The following ERAP1 variants were observed in gnomAD, a reference collection of about 807,000 sequenced individuals.
The protein encoded by ERAP1 is endoplasmic reticulum aminopeptidase 1, also known as adipocyte-derived leucine aminopeptidase.
Under a neutral mutation model 103.7 loss-of-function variants are expected in ERAP1, and 86 were observed. The ratio of observed to expected loss-of-function variants is 0.83; its 90% CI spans 0.70 to 0.99. The LOEUF (loss-of-function observed/expected upper bound fraction) is 0.99. Among genes scored for constraint, ERAP1 ranks in the 50% least tolerant of loss-of-function variants. ERAP1 has a pLI of 0.00. For synonymous variants in ERAP1, 398 were observed against 402.4 expected, an observed-to-expected ratio of 0.99 and a Z score of 0.13; for missense variants, 1,009 against 1,128.4, an observed-to-expected ratio of 0.89 and a Z score of 1.52.
rs765531629 is a variant in ERAP1, at chr5:96,797,211, A to C, written c.762T>G (p.Phe254Leu). ...TYLVAFIISD[F>L]ESVSKITKSG... ...TCTTGGTTATCTTGCTGACAGACTC[A>C]AAATCTGAAATGATGAAGGCCACCA... Residue 254 changes from phenylalanine to leucine, a missense_variant, in exon 4 of 19, where the codon TTT (phenylalanine) becomes TTG (leucine). Phe to Leu is a conservative substitution (Grantham distance 22). Transcript: ENST00000443439. 1 of 1,614,212 alleles carries C rather than the reference A, an allele frequency of 6.2e-7. No individual in the cohort carries two copies. The highest frequency in any genetic ancestry group is 8.5e-7 in the Non-Finnish European group (1 of 1,180,040).
At chr5:96,895,153 A>AT in the ERAP1 span, 1 of 644,146 alleles carries the variant, frequency 1.6e-6, no homozygotes, top group African/African-American at 2.5e-5. Flanking sequence ...ATCCTAACTA[A>AT]TAAAAAAAAA....
rs1775440848 is a variant in ERAP1, at chr5:96,783,039, G to GT, written c.2285+11dup. 2 of 1,613,870 alleles carry GT rather than the reference G, an allele frequency of 1.2e-6. No homozygotes were observed. Among genetic ancestry groups the GT allele is most frequent in the Non-Finnish European group, 1.7e-6 (2 of 1,179,718 alleles). On this transcript the variant is annotated intron_variant, in intron 15 of 18. Coordinates refer to ENST00000443439, the MANE Select transcript of ERAP1 (RefSeq NM_001040458.3). ...TTCACATCAACAAATTGGTTATTTA[G>GT]TAAGGACTGACCTCAAGTTTCCATT... is the stretch of plus-strand genomic sequence containing the variant.
chr5:96,774,961 T>C lies in ERAP1; in HGVS notation c.*1435A>G. ...CCCTTATCTTGAAGTTTTTGCCTTA[T>C]ATTCAAAAAGTTCAGTTTGAATTCT... On this transcript the variant is annotated 3_prime_UTR_variant, in exon 19 of 19. Transcript: ENST00000443439. 2.0e-6 allele frequency: 2 copies of C among 985,560 alleles called. No individual in the cohort carries two copies. Among genetic ancestry groups the C allele is most frequent in the Middle Eastern group, 5.2e-4 (1 of 1,914 alleles). 61.1% of individuals were successfully genotyped at this position (985,560 alleles called of 1,614,324 possible).
chr5:96,788,620 A>G lies in ERAP1; in HGVS notation c.1590T>C (p.Phe530=), dbSNP rs753695245. The G allele has an allele frequency of 6.2e-7, 1 of 1,614,158 alleles. No individual in the cohort carries two copies. Among genetic ancestry groups the G allele is most frequent in the Admixed American group, 1.7e-5 (1 of 60,018 alleles). The part of the protein sequence containing the change: ...MMNTWTLQKG[F]PLITITVRGR... The stretch of plus-strand genomic sequence containing the variant: ...CCCTCACTGTGATGGTTATTAGGGG[A>G]AAACCCTTCTGCAGTGTCCAAGTGT... Residue 530 remains phenylalanine, a synonymous_variant, in exon 11 of 19, where the codon TTT becomes TTC. Coordinates refer to ENST00000443439, the MANE Select transcript of ERAP1 (RefSeq NM_001040458.3).
chr5:96,883,423 G>T, the ERAP1 span, among the ~76,000 whole-genome samples: 1 of 152,156 alleles, frequency 6.6e-6, no homozygotes, highest in Admixed American at 6.5e-5. Flanking sequence ...AGACAATACT[G>T]AACATTTAAT....
Position 96,766,735 on chromosome 5 carries a change from A to G in ERAP1, c.2819-3507T>C, listed in dbSNP as rs534236550. Among the ~76,000 whole-genome samples the G allele has an allele frequency of 5.9e-5, 9 of 152,260 alleles. No homozygotes were observed. The South Asian group carries it at 1.9e-3, about 32-fold the overall frequency. ...CAGGCCTGTCCCCCACCTCTTTCCT[A>G]TTTAGTTTCTAATTTTTGAGTCAAT... is the stretch of plus-strand genomic sequence containing the variant. On this transcript the variant is annotated intron_variant, in intron 19 of 19. Coordinates refer to the ERAP1 transcript ENST00000296754.
downstream of ERAP1, chr5:96,773,173 C>G (rs1403960687): frequency 6.5e-6 from 1 of 153,760 alleles, no homozygotes; most frequent in African/African-American, 2.4e-5. Context: ...GGGCACATAT[C>G]TCCTCTTGGG....
intron 19 of ERAP1, among the ~76,000 whole-genome samples, chr5:96,765,018 G>A (rs1235978346): frequency 6.6e-6 from 1 of 150,970 alleles, no homozygotes; most frequent in Admixed American, 6.6e-5. Context: ...CCCCAGTAGG[G>A]TGACAGATAC....
At chr5:96,921,952 A>G in the ERAP1 span, among the ~76,000 whole-genome samples, 1 of 152,240 alleles carries the variant, frequency 6.6e-6, no homozygotes, top group African/African-American at 2.4e-5. Flanking sequence ...AAAATACTGA[A>G]AACATACAAA....
intron 5 of ERAP1, 145 bp from the exon 6 acceptor site, chr5:96,794,102 G>T: frequency 3.3e-6 from 2 of 598,710 alleles, no homozygotes; most frequent in East Asian, 4.5e-5. Context: ...TCACAATGGA[G>T]AAAAAGAGGC....
the ERAP1 span, among the ~76,000 whole-genome samples, chr5:96,844,916 C>T: frequency 6.6e-6 from 1 of 150,840 alleles, no homozygotes; most frequent in Non-Finnish European, 1.5e-5. Context: ...GGTATTGCCA[C>T]TTTGAGGAGC....
At chr5:96,821,706 A>G in the ERAP1 span, among the ~76,000 whole-genome samples, 2 of 152,226 alleles carry the variant, frequency 1.3e-5, no homozygotes, top group Non-Finnish European at 2.9e-5. Flanking sequence ...AGGCTGGTAA[A>G]AGCCTGACTG....
the ERAP1 span, among the ~76,000 whole-genome samples, chr5:96,885,504 T>C: frequency 6.6e-6 from 1 of 152,230 alleles, no homozygotes; most frequent in Non-Finnish European, 1.5e-5. Flanking sequence ...TCAAATAGAA[T>C]TCAGCAAAAT....
the ERAP1 span, among the ~76,000 whole-genome samples, chr5:96,887,155 T>C: frequency 3.3e-5 from 5 of 150,350 alleles, no homozygotes; most frequent in African/African-American, 9.7e-5. Flanking sequence ...CAAAATAATA[T>C]ATTGACTATT....
the ERAP1 span, among the ~76,000 whole-genome samples, chr5:96,831,726 C>T: frequency 6.6e-5 from 10 of 152,180 alleles, no homozygotes; most frequent in Non-Finnish European, 8.8e-5. Flanking sequence ...GGAAATGCTG[C>T]TATTTCTTCC....
the ERAP1 span, among the ~76,000 whole-genome samples, chr5:96,833,823 T>G: frequency 1.3e-5 from 2 of 151,398 alleles, no homozygotes; most frequent in Admixed American, 1.3e-4. Flanking sequence ...AAAAAGAAGA[T>G]AGCATGTGAA....
the ERAP1 span, among the ~76,000 whole-genome samples, chr5:96,840,341 AATCGTCCCT>A: frequency 6.6e-6 from 1 of 152,234 alleles, no homozygotes; most frequent in East Asian, 1.9e-4. Context: ...CAGGGAGTAA[AATCGTCCCT>A]GATCCTGGAA....
At chr5:96,934,193 G>A in the ERAP1 span, 1 of 152,198 alleles carries the variant, frequency 6.6e-6, no homozygotes, top group Non-Finnish European at 1.5e-5. Flanking sequence ...CTTGAGAAGG[G>A]AGACTGATAA....
chr5:96,807,448 G>C (rs944531529), intron 1 of ERAP1, among the ~76,000 whole-genome samples: 1 of 152,172 alleles, frequency 6.6e-6, no homozygotes. Context: ...CGCGGGCGTC[G>C]GTGGCCTGCA....
Sources: gnomAD v4.1 joint callset for allele counts (sites outside exome capture counted in the v4.1 genomes callset) on GRCh38, gnomAD v4.1.1 for gene constraint, MANE v1.5 for transcripts, NCBI Gene and HGNC (gene_info 2026-07-23, HGNC 2026-07-21) for gene names.